ATRNL1: variants seen among roughly 807,000 people sequenced by gnomAD.
The protein encoded by ATRNL1 is attractin like 1, also known as attractin-like protein 1.
Under a neutral mutation model 182.7 loss-of-function variants are expected in ATRNL1, and 95 were observed. That is an observed-to-expected ratio of 0.52 (90% confidence interval 0.44 to 0.62). ATRNL1 has a LOEUF of 0.62. ATRNL1 is among the 20% of genes least tolerant of loss of function. The pLI is 0.00. For synonymous variants in ATRNL1, 576 were observed against 568.3 expected, an observed-to-expected ratio of 1.01 and a Z score of -0.19; for missense variants, 1,471 against 1,679.5, an observed-to-expected ratio of 0.88 and a Z score of 2.17.
At chr10:115,614,455 C>T (rs1857328712) in intron 26 of ATRNL1, among the ~76,000 whole-genome samples, 1 of 152,102 alleles carries the variant, frequency 6.6e-6, no homozygotes, top group African/African-American at 2.4e-5. Flanking sequence ...CATATGTTCC[C>T]TCCTGGAGAA....
intron 26 of ATRNL1, among the ~76,000 whole-genome samples, chr10:115,701,074 A>T (rs930096161): frequency 1.3e-5 from 2 of 152,090 alleles, no homozygotes; most frequent in African/African-American, 4.8e-5. Context: ...AAGTCTCAAT[A>T]AATTTTTGAA....
intron 27 of ATRNL1, among the ~76,000 whole-genome samples, chr10:115,846,210 C>T (rs112436775): frequency 9.2e-5 from 14 of 152,148 alleles, no homozygotes; most frequent in African/African-American, 3.4e-4. Flanking sequence ...CCACCACCAT[C>T]GCCACTTTCA....
At chr10:115,100,272 T>C (rs939475291) in intron 1 of ATRNL1, among the ~76,000 whole-genome samples, 1 of 151,870 alleles carries the variant, frequency 6.6e-6, no homozygotes, top group Non-Finnish European at 1.5e-5. Context: ...TACTCCATCC[T>C]GGGCAACACA....
intron 27 of ATRNL1, among the ~76,000 whole-genome samples, chr10:115,785,559 G>T (rs1285365337): frequency 1.3e-5 from 2 of 152,218 alleles, no homozygotes; most frequent in African/African-American, 4.8e-5. Context: ...ATCTTTTCTA[G>T]ATAATCTCTT....
At chr10:115,513,031 A>AT (rs1332027834) in intron 24 of ATRNL1, among the ~76,000 whole-genome samples, 13 of 151,838 alleles carry the variant, frequency 8.6e-5, no homozygotes, top group Non-Finnish European at 1.0e-4. Context: ...ACATTATGAG[A>AT]TTTTTTTGCG....
intron 27 of ATRNL1, among the ~76,000 whole-genome samples, chr10:115,826,975 T>G (rs1950449108): frequency 6.6e-6 from 1 of 152,186 alleles, no homozygotes; most frequent in Admixed American, 6.5e-5. Flanking sequence ...GACCCATCCC[T>G]GTCTGCCTAG....
rs532973964 is a variant in ATRNL1, at chr10:115,790,250, T to C, written c.3904-57627T>C. On this transcript the variant is annotated intron_variant, in intron 27 of 28. Transcript: ENST00000355044. The stretch of plus-strand genomic sequence containing the variant: ...GGCCCCCAAAGCAGCCTTGTTAGTT[T>C]AAAAAGAAAAAAAAAAAAAAACTCT... Among the ~76,000 whole-genome samples the C allele has an allele frequency of 1.1e-4, 8 of 70,380 alleles. No homozygotes were observed. In the East Asian group the frequency reaches 2.7e-3, roughly 24 times the overall value. The allele number at this position is 70,380 out of a possible 152,430, so 46.2% of individuals were successfully genotyped here.
chr10:115,453,645 T>C (rs528949354), intron 21 of ATRNL1, among the ~76,000 whole-genome samples: 31 of 152,088 alleles, frequency 2.0e-4, no homozygotes, highest in Middle Eastern at 6.8e-3. Context: ...ATGTCCTTTG[T>C]AGGGACATGG....
intron 28 of ATRNL1, among the ~76,000 whole-genome samples, chr10:115,885,376 A>T (rs573294766): frequency 8.0e-4 from 122 of 152,314 alleles, no homozygotes; most frequent in African/African-American, 2.7e-3. Context: ...ACCAGGGATG[A>T]GCGGCGCCAA....
chr10:115,612,124 C>T (rs1042478334), intron 26 of ATRNL1, among the ~76,000 whole-genome samples: 8 of 152,080 alleles, frequency 5.3e-5, no homozygotes, highest in South Asian at 2.1e-4. Context: ...TTGTGGCGGA[C>T]GCCTGTAATC....
chr10:115,529,131 G>A (rs1348438606), intron 25 of ATRNL1, among the ~76,000 whole-genome samples: 1 of 151,450 alleles, frequency 6.6e-6, no homozygotes, highest in Admixed American at 6.6e-5. Flanking sequence ...AGATCTTGGT[G>A]GTTTATTGCA....
chr10:115,849,298 T>G (rs1565433653), intron 28 of ATRNL1, among the ~76,000 whole-genome samples: 1 of 152,196 alleles, frequency 6.6e-6, no homozygotes, highest in Non-Finnish European at 1.5e-5. Context: ...GTAAAATAGT[T>G]TGGCACTGGT....
intron 26 of ATRNL1, among the ~76,000 whole-genome samples, chr10:115,596,717 A>T (rs1856264681): frequency 6.6e-6 from 1 of 152,156 alleles, no homozygotes; most frequent in Non-Finnish European, 1.5e-5. Context: ...AACATGATAG[A>T]CTATGGGAAG....
chr10:115,467,752 C>T (rs1848121715), intron 23 of ATRNL1, among the ~76,000 whole-genome samples: 1 of 150,532 alleles, frequency 6.6e-6, no homozygotes, highest in South Asian at 2.1e-4. Context: ...CATAATATGT[C>T]TTTCATAATA....
intron 8 of ATRNL1, among the ~76,000 whole-genome samples, chr10:115,182,406 TAAAAGC>T (rs1365419050): frequency 6.6e-6 from 1 of 150,888 alleles, no homozygotes; most frequent in African/African-American, 2.4e-5. Flanking sequence ...CCAAAAGAAA[TAAAAGC>T]AAAGAAATAT....
chr10:115,811,522 A>G (rs1191376482), intron 27 of ATRNL1, among the ~76,000 whole-genome samples: 2 of 151,980 alleles, frequency 1.3e-5, no homozygotes, highest in Non-Finnish European at 2.9e-5. Flanking sequence ...TTAGTTCTAT[A>G]TTCTTACTGA....
At chr10:115,832,950 T>C (rs1950591115) in intron 27 of ATRNL1, among the ~76,000 whole-genome samples, 1 of 152,094 alleles carries the variant, frequency 6.6e-6, no homozygotes, top group Non-Finnish European at 1.5e-5. Flanking sequence ...CCCTTCTAAA[T>C]GGAAAATGAC....
intron 10 of ATRNL1, among the ~76,000 whole-genome samples, chr10:115,253,683 C>A (rs558251228): frequency 6.6e-6 from 1 of 151,974 alleles, no homozygotes; most frequent in Non-Finnish European, 1.5e-5. Context: ...TGTGCCATGT[C>A]GGTTTGCTGC....
At chr10:115,183,780 A>G (rs1312771805) in intron 8 of ATRNL1, among the ~76,000 whole-genome samples, 5 of 151,548 alleles carry the variant, frequency 3.3e-5, no homozygotes, top group African/African-American at 1.2e-4. Context: ...AGAGAATGAT[A>G]AAGGAAGGAA....
Sources: gnomAD v4.1 joint callset for allele counts (sites outside exome capture counted in the v4.1 genomes callset) on GRCh38, gnomAD v4.1.1 for gene constraint, MANE v1.5 for transcripts, NCBI Gene and HGNC (gene_info 2026-07-23, HGNC 2026-07-21) for gene names.